DNAH2: variants seen among roughly 807,000 people sequenced by gnomAD.
DNAH2 encodes axonemal beta dynein heavy chain 2.
In DNAH2, 323 loss-of-function variants were observed where a neutral mutation model predicts 523.5. The observed-to-expected ratio is 0.62, with a 90% CI of 0.56 to 0.68. The LOEUF (loss-of-function observed/expected upper bound fraction) is 0.68. Among genes scored for constraint, DNAH2 ranks in the 30% least tolerant of loss-of-function variants. The pLI is 0.00. For synonymous variants in DNAH2, 2,093 were observed against 2,177.4 expected (o/e 0.96, Z 1.08); for missense variants, 4,907 against 5,701.5 (o/e 0.86, Z 4.49).
At position 7,816,773 on chromosome 17, in the gene DNAH2, G is replaced by T; in HGVS notation, c.9894+38G>T. On this transcript the variant is annotated intron_variant, in intron 64 of 85. Transcript: ENST00000572933. ...GTACTACCTGGTGTCCTTTCACTCTGCTCGCCACTTCCGAGAGACCCATCC... is the reference window on the plus strand; with the variant it reads ...GTACTACCTGGTGTCCTTTCACTCTTCTCGCCACTTCCGAGAGACCCATCC... The T allele has an allele frequency of 3.1e-6, 5 of 1,602,392 alleles. No individual in the cohort carries two copies. The South Asian group carries it at 5.5e-5, about 18-fold the overall frequency.
chr17:7,818,520 T>C, intron 69 of DNAH2, 60 bp downstream of exon 69: 1 of 1,605,726 alleles, frequency 6.2e-7, no homozygotes, highest in East Asian at 2.2e-5. Context: ...TTGGAAGGAT[T>C]GAGAAAAGGG....
intron 18 of DNAH2, among the ~76,000 whole-genome samples, chr17:7,763,035 G>A (rs2076050606): frequency 6.6e-6 from 1 of 151,974 alleles, no homozygotes; most frequent in Non-Finnish European, 1.5e-5. Context: ...GAGTGCAGTG[G>A]CGCCATCTTG....
At chr17:7,811,459 T>A (rs1199989251) in intron 63 of DNAH2, among the ~76,000 whole-genome samples, 1 of 152,212 alleles carries the variant, frequency 6.6e-6, no homozygotes, top group East Asian at 1.9e-4. Context: ...CCTGTTCTGC[T>A]CCATCTCAGC....
At chr17:7,761,069 C>A in intron 18 of DNAH2, 137 bp downstream of exon 18, 1 of 1,106,346 alleles carries the variant, frequency 9.0e-7, no homozygotes, top group Non-Finnish European at 1.3e-6. Flanking sequence ...AAGAACAGGA[C>A]CTAGGACATT....
Position 7,807,278 on chromosome 17 carries a change from C to T in DNAH2, c.9571C>T (p.Leu3191=). 6.2e-7 allele frequency: 1 copy of T among 1,613,882 alleles called. No homozygotes were observed. The highest frequency in any genetic ancestry group is 1.1e-5 in the South Asian group (1 of 91,076). ...GCCTGATATCATCGGCCGCGTCTCC[C>T]TGGCTGCCAAGTCCCTCTGCATGTG... ...FQPDIIGRVS[L]AAKSLCMWVR... is the part of the protein sequence containing the mutation. The change falls in exon 62 of 86, where the codon CTG becomes TTG. Residue 3191 remains leucine, a synonymous_variant. Transcript: ENST00000572933. The surrounding 1 kb of genome is among the most constrained non-coding windows in gnomAD (Gnocchi z 5.6).
chr17:7,762,633 C>T (rs531398462), intron 18 of DNAH2, among the ~76,000 whole-genome samples: 12 of 152,040 alleles, frequency 7.9e-5, no homozygotes, highest in East Asian at 3.9e-4. Flanking sequence ...CAAGCCCGGC[C>T]GACTTTGCAT....
Position 7,774,843 on chromosome 17 carries a change from A to G in DNAH2, c.4586A>G (p.His1529Arg). The G allele has an allele frequency of 2.5e-6, 4 of 1,614,242 alleles. No individual in the cohort carries two copies. The highest frequency in any genetic ancestry group is 3.4e-6 in the Non-Finnish European group (4 of 1,180,040). The part of the protein sequence containing the change: ...SLDMYLETKR[H>R]IFPRFYFLSN... ...GATATGTATTTAGAGACCAAGCGAC[A>G]TATTTTCCCCCGCTTCTACTTCTTG... The change falls in exon 29 of 86, where the codon CAT (histidine) becomes CGT (arginine). Residue 1529 changes from histidine (H) to arginine (R), a missense_variant. Transcript: ENST00000572933.
At chr17:7,732,934 C>T (rs546505764) in intron 4 of DNAH2, among the ~76,000 whole-genome samples, 153 bp from the exon 5 acceptor site, 6 of 152,256 alleles carry the variant, frequency 3.9e-5, no homozygotes, top group Non-Finnish European at 5.9e-5. Flanking sequence ...GAATCATATC[C>T]GTGAAAAGAA....
chr17:7,782,742 G>A (rs1401264359), intron 39 of DNAH2, among the ~76,000 whole-genome samples: 1 of 152,070 alleles, frequency 6.6e-6, no homozygotes, highest in African/African-American at 2.4e-5. Flanking sequence ...GAGGCAACAG[G>A]ATCACTTTAG....
Position 7,791,940 on chromosome 17 carries a change from CTA to C in DNAH2, c.6926_6927del (p.Tyr2309CysfsTer22), listed in dbSNP as rs1567705107. 6.2e-7 allele frequency: 1 copy of C among 1,613,918 alleles called. No individual in the cohort carries two copies. Reference sequence around the variant, plus strand: ...AGGTGAACCCAGCTGACGGCGAGAACTATGTCACCATGGTAGAGATGACATTT... The same window carrying C: ...AGGTGAACCCAGCTGACGGCGAGAACTGTCACCATGGTAGAGATGACATTT... The part of the protein sequence containing the change: ...NGVNPADGEN[Y>X]VTMVEMTFVF... On this transcript the variant is annotated frameshift_variant, in exon 45 of 86. Coordinates refer to ENST00000572933, the MANE Select transcript of DNAH2 (RefSeq NM_020877.5). LOFTEE classifies it high-confidence loss of function.
chr17:7,755,703 A>T (rs1031815858), intron 12 of DNAH2, among the ~76,000 whole-genome samples: 5 of 152,050 alleles, frequency 3.3e-5, no homozygotes, highest in Non-Finnish European at 7.4e-5. Context: ...AGGGCGTGGC[A>T]TGGGAGTGGC....
intron 4 of DNAH2, among the ~76,000 whole-genome samples, chr17:7,728,120 C>A (rs1845196241): frequency 6.6e-6 from 1 of 152,092 alleles, no homozygotes; most frequent in Admixed American, 6.6e-5. Context: ...CTATTGAAGT[C>A]TTTTATAGTT....
chr17:7,779,195 C>G (rs1384094830), intron 35 of DNAH2, 48 bp from the exon 36 acceptor site: 17 of 1,600,042 alleles, frequency 1.1e-5, no homozygotes, highest in Non-Finnish European at 1.3e-5. Context: ...GCTTTCTAGC[C>G]TCTTGGGGCA....
chr17:7,784,485 T>C (rs1047159462), intron 39 of DNAH2, among the ~76,000 whole-genome samples: 5 of 152,048 alleles, frequency 3.3e-5, no homozygotes, highest in Non-Finnish European at 7.4e-5. Flanking sequence ...CAAGGCTGCA[T>C]TGAGCCATGA....
At position 7,763,826 on chromosome 17, in the gene DNAH2, T is replaced by G. The variant is rs781394717; in HGVS notation, c.2979-5T>G. On this transcript the variant is annotated splice_region_variant and splice_polypyrimidine_tract_variant and intron_variant, in intron 18 of 85. Transcript: ENST00000572933. ...CATCCTAGCTGGGATCTGGGGCTCT[T>G]GCAGCTACACGGAAGTTGCTAATAA... 1.2e-6 allele frequency: 2 copies of G among 1,613,806 alleles called. No individual in the cohort carries two copies. The highest frequency in any genetic ancestry group is 1.3e-5 in the African/African-American group (1 of 74,944).
At chr17:7,762,024 C>T (rs756407491) in intron 18 of DNAH2, among the ~76,000 whole-genome samples, 8 of 152,152 alleles carry the variant, frequency 5.3e-5, no homozygotes, top group Admixed American at 3.3e-4. Flanking sequence ...GACTTGGAAT[C>T]GCAGCTGTGC....
rs1343085449 is a variant in DNAH2 at position 7,821,575 on chromosome 17, TG to T, written c.11142+209del. ...GCACCCCCTTGCACTCAGCGCAGGCTGGGCTTTGTGGCATGTCTCACCTGTG... is the reference window on the plus strand; with the variant it reads ...GCACCCCCTTGCACTCAGCGCAGGCTGGCTTTGTGGCATGTCTCACCTGTG... On this transcript the variant is annotated intron_variant, in intron 73 of 85. Coordinates refer to ENST00000572933, the MANE Select transcript of DNAH2 (RefSeq NM_020877.5). This position sits in a 1 kb window ranked among gnomAD's most constrained non-coding sequence, Gnocchi z 5.0. 3.3e-5 allele frequency among the ~76,000 whole-genome samples: 5 copies of T among 152,208 alleles called. No individual in the cohort carries two copies. The highest frequency in any genetic ancestry group is 1.2e-4 in the African/African-American group (5 of 41,464).
chr17:7,822,885 C>G (rs897944565), intron 73 of DNAH2, among the ~76,000 whole-genome samples: 1 of 152,150 alleles, frequency 6.6e-6, no homozygotes, highest in Non-Finnish European at 1.5e-5. Flanking sequence ...ACCAGGCAAC[C>G]AGCAGAGGGC....
At position 7,777,575 on chromosome 17, in the gene DNAH2, G is replaced by C. The variant is rs767795065; in HGVS notation, c.5188G>C (p.Gly1730Arg). The C allele has an allele frequency of 6.2e-7, 1 of 1,614,186 alleles. No individual in the cohort carries two copies. The highest frequency in any genetic ancestry group is 2.2e-5 in the East Asian group (1 of 44,894). ...TGTGTTGGAGAAGCTTTACAAGAGT[G>C]GCCTCATGGATGTCAATTCCTTTGA... ...RDVLEKLYKSGLMDVNSFDWL... is the reference protein window; with the variant it reads ...RDVLEKLYKSRLMDVNSFDWL... Residue 1730 changes from glycine (G) to arginine (R), a missense_variant, in exon 33 of 86, where the codon GGC becomes CGC. Physicochemically the swap from Gly to Arg is moderately radical, Grantham distance 125. Around this residue, in one of 3 missense-constraint regions of DNAH2, gnomAD observed 2,806 missense variants for 3,190.8 expected, o/e 0.88. Transcript: ENST00000572933.
Sources: gnomAD v4.1 joint callset for allele counts (sites outside exome capture counted in the v4.1 genomes callset) on GRCh38, gnomAD v4.1.1 for gene constraint, gnomAD v4.1.1 regional missense constraint, Gnocchi (gnomAD v3.1) non-coding constraint, MANE v1.5 for transcripts, NCBI Gene and HGNC (gene_info 2026-07-23, HGNC 2026-07-21) for gene names.